KLHL7: variants seen among roughly 807,000 people sequenced by gnomAD.
The protein encoded by KLHL7 is kelch-like protein 7.
Under a neutral mutation model 67.4 loss-of-function variants are expected in KLHL7, and 44 were observed. The ratio of observed to expected loss-of-function variants is 0.65; its 90% CI spans 0.51 to 0.84. The LOEUF (loss-of-function observed/expected upper bound fraction) is 0.84. Ranked by LOEUF, KLHL7 falls within the 40% of genes least tolerant of loss-of-function variation. The pLI, the probability that KLHL7 is intolerant of heterozygous loss-of-function variation, is 0.00. For synonymous variants in KLHL7, 252 were observed against 243.3 expected (o/e 1.04, Z -0.33); for missense variants, 362 against 718.1 (o/e 0.50, Z 5.67).
rs566864194 is a variant in KLHL7 at position 23,163,434 on chromosome 7, A to G, written c.937-2264A>G. On this transcript the variant is annotated intron_variant, in intron 7 of 10. Transcript: ENST00000339077. ...TGATCTGCCTGCCTCTGCCTCCCAAAATGCTGGGATTAGAGGCATGAGCCA... is the reference window on the plus strand; with the variant it reads ...TGATCTGCCTGCCTCTGCCTCCCAAGATGCTGGGATTAGAGGCATGAGCCA... Among the ~76,000 whole-genome samples the G allele has an allele frequency of 2.6e-5, 4 of 152,222 alleles. No homozygotes were observed. In the South Asian group the frequency reaches 8.3e-4, roughly 32 times the overall value.
chr7:23,173,070 C>G (rs776208213), intron 10 of KLHL7, 25 bp downstream of exon 10: 46 of 1,534,984 alleles, frequency 3.0e-5, no homozygotes, highest in Non-Finnish European at 4.0e-5. Context: ...TTCACTGTTC[C>G]ACTTTCCTGA....
Position 23,168,339 on chromosome 7 carries a change from G to A in KLHL7, c.1379+302G>A, listed in dbSNP as rs1025408877. 1.8e-4 allele frequency among the ~76,000 whole-genome samples: 28 copies of A among 152,084 alleles called. 1 individual carries two copies. Among genetic ancestry groups the A allele is most frequent in the Non-Finnish European group, 7.4e-5 (5 of 68,018 alleles). On this transcript the variant is annotated intron_variant, in intron 9 of 10. Coordinates refer to ENST00000339077, the MANE Select transcript of KLHL7 (RefSeq NM_001031710.3). ...ACTCATAAAATGTTTTTGTTTGAGC[G>A]GTCAGGAAATGTAGAGGAGGAGGGG...
At chr7:23,124,923 A>C (rs1350103585) in intron 3 of KLHL7, 125 bp from the exon 4 acceptor site, 12 of 1,098,518 alleles carry the variant, frequency 1.1e-5, no homozygotes, top group Non-Finnish European at 1.6e-5. Context: ...CCTATGCCAT[A>C]CTAATTCAAG....
chr7:23,130,311 T>G (rs1783752588), intron 4 of KLHL7, among the ~76,000 whole-genome samples: 1 of 152,228 alleles, frequency 6.6e-6, no homozygotes, highest in African/African-American at 2.4e-5. Context: ...GGAACATGGT[T>G]TTGTGAGACA....
intron 4 of KLHL7, among the ~76,000 whole-genome samples, chr7:23,138,484 AG>A (rs1784064597): frequency 3.0e-5 from 4 of 133,206 alleles, no homozygotes; most frequent in African/African-American, 1.4e-4. Context: ...AAAAAAAAAA[AG>A]AAGGTATAAA....
chr7:23,117,722 T>C (rs956710676), intron 1 of KLHL7: 1 of 998,514 alleles, frequency 1.0e-6, no homozygotes, highest in African/African-American at 1.6e-5. Flanking sequence ...GTCTTTTTAA[T>C]GTTTCTTAGC....
intron 7 of KLHL7, among the ~76,000 whole-genome samples, chr7:23,156,324 T>C (rs1784705697): frequency 6.6e-6 from 1 of 152,246 alleles, no homozygotes. Flanking sequence ...ATTTTTCTTG[T>C]TATCATCCTT....
intron 6 of KLHL7, among the ~76,000 whole-genome samples, chr7:23,147,199 C>A (rs1019335823): frequency 6.6e-6 from 1 of 151,092 alleles, no homozygotes; most frequent in Non-Finnish European, 1.5e-5. Flanking sequence ...AAGTGATTCT[C>A]GTGCCTCAGC....
chr7:23,175,170 A>C lies in KLHL7; in HGVS notation c.*872A>C, dbSNP rs1239881778. On this transcript the variant is annotated 3_prime_UTR_variant, in exon 11 of 11. Transcript: ENST00000339077. ...GACTTTGAACTTCTTTAACGAGATCATGAATTCTTTTCCCTTAGCCAAAAC... is the reference window on the plus strand; with the variant it reads ...GACTTTGAACTTCTTTAACGAGATCCTGAATTCTTTTCCCTTAGCCAAAAC... The C allele has an allele frequency of 2.2e-6, 1 of 454,004 alleles. No individual in the cohort carries two copies. The highest frequency in any genetic ancestry group is 4.4e-6 in the Non-Finnish European group (1 of 226,780). 28.1% of individuals were successfully genotyped at this position (454,004 alleles called of 1,614,324 possible). A position where few individuals can be genotyped will look rare whatever the true frequency, so the allele number is the denominator to read the frequency against.
chr7:23,106,385 G>T (rs965781597), intron 1 of KLHL7: 2 of 1,358,522 alleles, frequency 1.5e-6, no homozygotes, highest in South Asian at 1.5e-5. Flanking sequence ...ACTCCTGGGG[G>T]ACTCCTCAGG....
chr7:23,124,306 TA>T (rs200138190), intron 2 of KLHL7, among the ~76,000 whole-genome samples: 10 of 148,160 alleles, frequency 6.7e-5, no homozygotes, highest in East Asian at 2.0e-4. Context: ...AGTTAAACTT[TA>T]AAAAAAAAAT....
At chr7:23,170,776 C>T (rs546700175) in intron 9 of KLHL7, among the ~76,000 whole-genome samples, 26 of 152,128 alleles carry the variant, frequency 1.7e-4, no homozygotes, top group Admixed American at 1.4e-3. Context: ...TTATGTATCA[C>T]ATTTTTAAAA....
chr7:23,146,148 G>C (rs1562576653), intron 6 of KLHL7, among the ~76,000 whole-genome samples: 1 of 152,154 alleles, frequency 6.6e-6, no homozygotes, highest in Non-Finnish European at 1.5e-5. Context: ...AGGTACAGTG[G>C]GTACCTGACT....
At chr7:23,152,449 A>G (rs993867898) in intron 7 of KLHL7, among the ~76,000 whole-genome samples, 1 of 152,148 alleles carries the variant, frequency 6.6e-6, no homozygotes, top group Non-Finnish European at 1.5e-5. Context: ...AGAAAAAGGG[A>G]AACTAGTTCT....
In KLHL7 at chr7:23,175,001, G is replaced by A. The variant is rs991077615; in HGVS notation, c.*703G>A. The stretch of plus-strand genomic sequence containing the variant: ...ATTTATGTCTCTGTTTTATCCAGTG[G>A]TTAAAAAAGGATTCTGCCTCTTTAG... On this transcript the variant is annotated 3_prime_UTR_variant, in exon 11 of 11. Coordinates refer to ENST00000339077, the MANE Select transcript of KLHL7 (RefSeq NM_001031710.3). 106 of 448,368 alleles carry A rather than the reference G, an allele frequency of 2.4e-4. No homozygotes were observed. The highest frequency in any genetic ancestry group is 2.1e-3 in the African/African-American group (105 of 49,552). The allele number at this position is 448,368 out of a possible 1,614,324, so 27.8% of individuals were successfully genotyped here.
intron 4 of KLHL7, among the ~76,000 whole-genome samples, chr7:23,132,175 T>C (rs993232908): frequency 1.3e-5 from 2 of 152,220 alleles, no homozygotes; most frequent in African/African-American, 2.4e-5. Flanking sequence ...TACCCAGAAG[T>C]GGGATTGCTG....
intron 1 of KLHL7, among the ~76,000 whole-genome samples, chr7:23,120,616 G>T (rs1583650465): frequency 6.6e-6 from 1 of 151,976 alleles, no homozygotes; most frequent in Admixed American, 6.6e-5. Flanking sequence ...ACCCAGACTG[G>T]AGTGCAGTGG....
Position 23,134,896 on chromosome 7 carries a change from C to G in KLHL7, c.443-5873C>G, listed in dbSNP as rs957282460. 2.6e-5 allele frequency among the ~76,000 whole-genome samples: 4 copies of G among 152,174 alleles called. No individual in the cohort carries two copies. The South Asian group carries it at 6.2e-4, about 24-fold the overall frequency. On this transcript the variant is annotated intron_variant, in intron 4 of 10. Transcript: ENST00000339077. The stretch of plus-strand genomic sequence containing the variant: ...ATTTTGTTTTAACTTTTCAAAAAAA[C>G]AACTTTTTGTTTCATTGATCTTTTG...
intron 7 of KLHL7, among the ~76,000 whole-genome samples, chr7:23,158,916 A>C (rs949538750): frequency 2.6e-5 from 4 of 152,182 alleles, no homozygotes; most frequent in African/African-American, 9.7e-5. Flanking sequence ...AGCTTCATGG[A>C]AGTTTTCTTG....
Sources: gnomAD v4.1 joint callset for allele counts (sites outside exome capture counted in the v4.1 genomes callset) on GRCh38, gnomAD v4.1.1 for gene constraint, MANE v1.5 for transcripts, NCBI Gene and HGNC (gene_info 2026-07-23, HGNC 2026-07-21) for gene names.